Variants in CHEK1 observed in about 807,000 individuals in gnomAD.
CHEK1 encodes the protein checkpoint kinase 1, also known as serine/threonine-protein kinase Chk1.
CHEK1 carries 32 observed loss-of-function variants against 60.2 expected under a neutral mutation model. That is an observed-to-expected ratio of 0.53 (90% confidence interval 0.40 to 0.71). The LOEUF (loss-of-function observed/expected upper bound fraction) is 0.71. CHEK1 is among the 30% of genes least tolerant of loss of function. The pLI, the probability that CHEK1 is intolerant of heterozygous loss-of-function variation, is 0.00. For synonymous variants in CHEK1, 179 were observed against 187.2 expected (o/e 0.96, Z 0.36); for missense variants, 399 against 564.6 (o/e 0.71, Z 2.97).
chr11:125,680,691 C>G (rs199795118), downstream of CHEK1: 135 of 1,583,460 alleles, frequency 8.5e-5, 2 homozygotes, highest in East Asian at 1.3e-3. Context: ...AAGGGAGACC[C>G]CTTTTGTATT....
chr11:125,658,089 G>A (rs1016741398), downstream of CHEK1, among the ~76,000 whole-genome samples: 2 of 151,918 alleles, frequency 1.3e-5, no homozygotes, highest in Non-Finnish European at 2.9e-5. Flanking sequence ...TTTCCTTTGA[G>A]ACAGGGCCTC....
downstream of CHEK1, among the ~76,000 whole-genome samples, chr11:125,660,838 C>T (rs1036850694): frequency 1.3e-5 from 2 of 151,820 alleles, no homozygotes; most frequent in African/African-American, 2.4e-5. Context: ...TGAAATGGCG[C>T]GATCTTGGCT....
Position 125,625,414 on chromosome 11 carries a change from A to G in CHEK1, c.-619A>G. ...GTTCTTTCGAAGCCTCTCGCTCCCAACACGGAGTTCCTCCCATTTCTTCAC... is the reference window on the plus strand; with the variant it reads ...GTTCTTTCGAAGCCTCTCGCTCCCAGCACGGAGTTCCTCCCATTTCTTCAC... On this transcript the variant is annotated 5_prime_UTR_variant, in exon 1 of 13. Transcript: ENST00000438015. 1 of 286,576 alleles carries G rather than the reference A, an allele frequency of 3.5e-6. No homozygotes were observed. The highest frequency in any genetic ancestry group is 6.6e-6 in the Non-Finnish European group (1 of 151,828). The allele number at this position is 286,576 out of a possible 1,614,324, so 17.8% of individuals were successfully genotyped here. A position where few individuals can be genotyped will look rare whatever the true frequency, so the allele number is the denominator to read the frequency against.
downstream of CHEK1, among the ~76,000 whole-genome samples, chr11:125,659,441 A>G (rs1941974875): frequency 6.6e-6 from 1 of 152,096 alleles, no homozygotes; most frequent in South Asian, 2.1e-4. Flanking sequence ...GTCCTGTGTC[A>G]ATTATATGTT....
chr11:125,650,947 C>T (rs1056368647), intron 11 of CHEK1, among the ~76,000 whole-genome samples: 20 of 152,108 alleles, frequency 1.3e-4, no homozygotes, highest in African/African-American at 4.8e-4. Flanking sequence ...CTTCAGCCTT[C>T]GCTATCTGCT....
downstream of CHEK1, chr11:125,676,561 C>T: frequency 6.6e-7 from 1 of 1,514,266 alleles, no homozygotes; most frequent in Non-Finnish European, 9.1e-7. Context: ...GGGTAATGGG[C>T]AATAGGTAGC....
At chr11:125,632,712 G>A (rs1940913971) in intron 5 of CHEK1, among the ~76,000 whole-genome samples, 1 of 152,072 alleles carries the variant, frequency 6.6e-6, no homozygotes, top group Non-Finnish European at 1.5e-5. Context: ...TTGAATTTTG[G>A]TGTGTCTTCA....
chr11:125,637,879 T>G (rs570483055), intron 8 of CHEK1, among the ~76,000 whole-genome samples: 51 of 152,320 alleles, frequency 3.3e-4, no homozygotes, highest in Non-Finnish European at 5.0e-4. Flanking sequence ...GAAGCAGTAT[T>G]TGAAAAATCT....
downstream of CHEK1, among the ~76,000 whole-genome samples, chr11:125,660,961 A>G (rs1942002052): frequency 6.6e-6 from 1 of 151,978 alleles, no homozygotes; most frequent in South Asian, 2.1e-4. Context: ...TTTTTAGTAG[A>G]GATGGGGTTT....
rs535283894 is a variant in CHEK1, at chr11:125,653,413, G to C, written c.1234-333G>C. Among the ~76,000 whole-genome samples, 2 of 152,060 alleles carry C rather than the reference G, an allele frequency of 1.3e-5. No individual in the cohort carries two copies. Among genetic ancestry groups the C allele is most frequent in the African/African-American group, 2.4e-5 (1 of 41,408 alleles). ...GGAATTTTAGTAGAGATGAGGTATCGATATGTTGCCCAGCCTGGTCTGAAG... is the reference window on the plus strand; with the variant it reads ...GGAATTTTAGTAGAGATGAGGTATCCATATGTTGCCCAGCCTGGTCTGAAG... On this transcript the variant is annotated intron_variant, in intron 11 of 12. Coordinates refer to ENST00000438015, the MANE Select transcript of CHEK1 (RefSeq NM_001114122.3). The surrounding 1 kb of genome is among the most constrained non-coding windows in gnomAD (Gnocchi z 4.3).
intron 13 of CHEK1, among the ~76,000 whole-genome samples, chr11:125,673,858 T>C (rs1266609998): frequency 6.6e-6 from 1 of 152,142 alleles, no homozygotes; most frequent in East Asian, 1.9e-4. Context: ...GTCACTCGGT[T>C]TCCATTTATC....
Position 125,635,473 on chromosome 11 carries a change from G to A in CHEK1, c.658G>A (p.Asp220Asn). 1 of 1,607,342 alleles carries A rather than the reference G, an allele frequency of 6.2e-7. No individual in the cohort carries two copies. Among genetic ancestry groups the A allele is most frequent in the Admixed American group, 1.7e-5 (1 of 59,268 alleles). Residue 220 changes from aspartate (D) to asparagine (N), a missense_variant, in exon 7 of 13, where the codon GAC becomes AAC. This residue lies in a region of CHEK1 where 370 missense variants were observed against 494.8 expected (regional missense o/e 0.75). Coordinates refer to ENST00000438015, the MANE Select transcript of CHEK1 (RefSeq NM_001114122.3). The part of the protein sequence containing the change: ...QPSDSCQEYS[D>N]WKEKKTYLNP... ...CAGTGACAGCTGTCAGGAGTATTCT[G>A]ACTGGAAAGAAAAAAAAACATACCT...
At chr11:125,665,022 A>G (rs1942074313) in intron 13 of CHEK1, among the ~76,000 whole-genome samples, 1 of 152,126 alleles carries the variant, frequency 6.6e-6, no homozygotes, top group South Asian at 2.1e-4. Context: ...TTCTAGAATC[A>G]TTTATTGAAG....
chr11:125,629,264 C>T lies in CHEK1; in HGVS notation c.322C>T (p.Gln108Ter). ...CATAGGCATGCCTGAACCAGATGCT[C>T]AGAGATTCTTCCATCAACTCATGGC... ...PDIGMPEPDA[Q>*]RFFHQLMAGV... The change falls in exon 4 of 13, where the codon CAG (glutamine) becomes TAG (stop). Residue 108 changes from glutamine (Q) to a stop codon, truncating the protein, a stop_gained. Coordinates refer to ENST00000438015, the MANE Select transcript of CHEK1 (RefSeq NM_001114122.3). LOFTEE classifies it high-confidence loss of function. 1.2e-6 allele frequency: 2 copies of T among 1,614,128 alleles called. No individual in the cohort carries two copies. The highest frequency in any genetic ancestry group is 1.7e-6 in the Non-Finnish European group (2 of 1,180,004).
intron 11 of CHEK1, 65 bp downstream of exon 11, chr11:125,644,708 T>A: frequency 2.6e-6 from 4 of 1,533,926 alleles, no homozygotes; most frequent in Non-Finnish European, 3.6e-6. Flanking sequence ...GAGTAAAAGC[T>A]ATCATTAGTA....
downstream of CHEK1, among the ~76,000 whole-genome samples, chr11:125,658,685 C>CTTTTTTTTTTTTT (rs67342073): frequency 1.1e-4 from 4 of 34,874 alleles, no homozygotes; most frequent in Admixed American, 5.3e-4. Flanking sequence ...ATGGCTTTTG[C>CTTTTTTTTTTTTT]TTTTTTTTTT....
chr11:125,629,510 A>G, intron 5 of CHEK1, 50 bp downstream of exon 5: 1 of 1,277,396 alleles, frequency 7.8e-7, no homozygotes, highest in Non-Finnish European at 1.1e-6. Flanking sequence ...ATAATTACCT[A>G]AATTATTTTA....
rs1303399900 is a variant in CHEK1 at position 125,655,589 on chromosome 11, A to G, written c.*269A>G. The G allele has an allele frequency of 1.4e-5, 4 of 284,284 alleles. No homozygotes were observed. Among genetic ancestry groups the G allele is most frequent in the African/African-American group, 2.2e-5 (1 of 46,426 alleles). The allele number at this position is 284,284 out of a possible 1,614,324, so 17.6% of individuals were successfully genotyped here. A position where few individuals can be genotyped will look rare whatever the true frequency, so the allele number is the denominator to read the frequency against. On this transcript the variant is annotated 3_prime_UTR_variant, in exon 13 of 13. Coordinates refer to ENST00000438015, the MANE Select transcript of CHEK1 (RefSeq NM_001114122.3). The stretch of plus-strand genomic sequence containing the variant: ...TGTGTGTTTAGTATCTGAATTTGAA[A>G]CTCATCTGGTGGAAACCAAGTTTCA...
intron 13 of CHEK1, chr11:125,672,308 A>C (rs1389163626): frequency 7.5e-6 from 2 of 267,176 alleles, no homozygotes; most frequent in Non-Finnish European, 1.4e-5. Context: ...TTAATGGGGG[A>C]AAAAAAGGTC....
Sources: allele counts gnomAD v4.1 joint callset (sites outside exome capture counted in the v4.1 genomes callset), GRCh38; gene constraint gnomAD v4.1.1; regional missense constraint gnomAD v4.1.1; non-coding constraint Gnocchi (gnomAD v3.1); transcripts MANE v1.5; gene names NCBI Gene and HGNC (gene_info 2026-07-23, HGNC 2026-07-21).